The following RANBP17 variants were observed in gnomAD, a reference collection of about 807,000 sequenced individuals.
RANBP17 encodes RAN binding protein 17, also known as ran-binding protein 17.
RANBP17 carries 158 observed loss-of-function variants against 141.2 expected under a neutral mutation model. The observed-to-expected ratio is 1.12, with a 90% CI of 0.98 to 1.28. RANBP17 has a LOEUF of 1.28. Among genes scored for constraint, RANBP17 ranks in the 50% most tolerant of loss-of-function variants. The probability of loss-of-function intolerance (pLI) is 0.00; values close to 1 mark genes in which losing one functional copy is unlikely to be tolerated. For missense variants in RANBP17, 1,438 were observed against 1,290.7 expected (o/e 1.11, Z -1.75); for synonymous variants, 430 against 450.0 (o/e 0.96, Z 0.56).
chr5:171,261,099 A>AG (rs1340967774), intron 24 of RANBP17, among the ~76,000 whole-genome samples: 9 of 141,584 alleles, frequency 6.4e-5, no homozygotes, highest in African/African-American at 2.3e-4. Context: ...CCAAAAAAAA[A>AG]AACCAAAAGA....
At chr5:171,273,176 A>G (rs1371956189) in intron 25 of RANBP17, among the ~76,000 whole-genome samples, 1 of 152,190 alleles carries the variant, frequency 6.6e-6, no homozygotes, top group Non-Finnish European at 1.5e-5. Flanking sequence ...TATCCAGCAC[A>G]TCTCTCTTCA....
intron 11 of RANBP17, among the ~76,000 whole-genome samples, chr5:170,921,726 A>T (rs1415421446): frequency 2.0e-5 from 3 of 152,112 alleles, no homozygotes; most frequent in African/African-American, 7.2e-5. Flanking sequence ...ATGAGCATGG[A>T]ATGTTTTATC....
At chr5:171,236,071 C>A (rs187867513) in intron 22 of RANBP17, among the ~76,000 whole-genome samples, 15 of 152,202 alleles carry the variant, frequency 9.9e-5, no homozygotes, top group South Asian at 8.3e-4. Flanking sequence ...TCAATTCTGT[C>A]CCACACCATT....
In RANBP17 at chr5:171,189,453, T is replaced by C. The variant is rs139284515; in HGVS notation, c.2038+6023T>C. Among the ~76,000 whole-genome samples, 58 of 152,356 alleles carry C rather than the reference T, an allele frequency of 3.8e-4. 1 individual carries two copies. The East Asian group carries it at 0.011, about 29-fold the overall frequency. ...TTCAAGGTATGGACTATCTTTTTTATATTTTTCTAGCACCAGTCAGGGTCT... is the reference window on the plus strand; with the variant it reads ...TTCAAGGTATGGACTATCTTTTTTACATTTTTCTAGCACCAGTCAGGGTCT... On this transcript the variant is annotated intron_variant, in intron 18 of 27. Transcript: ENST00000523189.
intron 14 of RANBP17, among the ~76,000 whole-genome samples, chr5:171,038,443 T>C (rs1190115339): frequency 6.6e-6 from 1 of 152,154 alleles, no homozygotes; most frequent in African/African-American, 2.4e-5. Context: ...TTTTATTTCA[T>C]TCTCTTGCCT....
intron 12 of RANBP17, among the ~76,000 whole-genome samples, chr5:170,928,179 A>G (rs565272320): frequency 4.6e-5 from 7 of 152,110 alleles, no homozygotes; most frequent in South Asian, 4.1e-4. Flanking sequence ...TCTGTTGCCC[A>G]TTTTTAAATT....
intron 5 of RANBP17, chr5:170,896,966 A>C: frequency 9.8e-7 from 1 of 1,018,674 alleles, no homozygotes; most frequent in Non-Finnish European, 1.5e-6. Context: ...GGCCAGTGCG[A>C]AAACCAGATT....
chr5:171,012,074 ATTGTTTGT>A (rs33938657), intron 14 of RANBP17, among the ~76,000 whole-genome samples: 11 of 150,982 alleles, frequency 7.3e-5, no homozygotes, highest in East Asian at 5.9e-4. Context: ...AAACGAATAT[ATTGTTTGT>A]TTATTTGTTT....
chr5:171,165,335 C>G (rs781567550), intron 14 of RANBP17, among the ~76,000 whole-genome samples: 1 of 152,058 alleles, frequency 6.6e-6, no homozygotes, highest in Non-Finnish European at 1.5e-5. Flanking sequence ...GTACACGCCA[C>G]GACGCTCGGC....
Position 170,924,448 on chromosome 5 carries a change from AC to A in RANBP17, c.1367del (p.Thr456AsnfsTer26). 5.6e-6 allele frequency: 9 copies of A among 1,613,658 alleles called. No homozygotes were observed. The highest frequency in any genetic ancestry group is 7.6e-6 in the Non-Finnish European group (9 of 1,179,650). On this transcript the variant is annotated frameshift_variant, in exon 12 of 28. Coordinates refer to ENST00000523189, the MANE Select transcript of RANBP17 (RefSeq NM_022897.5). LOFTEE classifies it high-confidence loss of function. Reference sequence around the variant, plus strand: ...GGTCAGCAGATGTGAATATGAAAAGACATGTGCTCTTCTTGTGCAGTTATTC... The same window carrying A: ...GGTCAGCAGATGTGAATATGAAAAGAATGTGCTCTTCTTGTGCAGTTATTC... ...CTVSRCEYEK[T>X]CALLVQLFDQ...
chr5:170,892,384 T>C lies in RANBP17; in HGVS notation c.257-3T>C. 1 of 1,604,296 alleles carries C rather than the reference T, an allele frequency of 6.2e-7. No homozygotes were observed. The highest frequency in any genetic ancestry group is 8.5e-7 in the Non-Finnish European group (1 of 1,175,752). On this transcript the variant is annotated splice_region_variant and splice_polypyrimidine_tract_variant and intron_variant, in intron 3 of 27. Coordinates refer to ENST00000523189, the MANE Select transcript of RANBP17 (RefSeq NM_022897.5). ...GATGACCCATGGAGTGTTTTCTTTG[T>C]AGGAAACTACATTCTGAATTACGTG...
intron 14 of RANBP17, among the ~76,000 whole-genome samples, chr5:171,067,249 A>C (rs1784363478): frequency 6.6e-6 from 1 of 152,112 alleles, no homozygotes; most frequent in Non-Finnish European, 1.5e-5. Context: ...TATTAAGATT[A>C]CTTGAATAGC....
rs1029496794 is a variant in RANBP17, at chr5:170,865,243, A to G, written c.18+3192A>G. Among the ~76,000 whole-genome samples, 3 of 152,100 alleles carry G rather than the reference A, an allele frequency of 2.0e-5. No individual in the cohort carries two copies. The South Asian group carries it at 6.2e-4, about 32-fold the overall frequency. ...ATGCCCTGCTAATTTTTGTATTTTT[A>G]GTAGAGACAGGGTTTCTCCATGTTG... On this transcript the variant is annotated intron_variant, in intron 1 of 27. Transcript: ENST00000523189.
At chr5:171,229,251 G>A (rs1164528503) in intron 22 of RANBP17, among the ~76,000 whole-genome samples, 1 of 152,172 alleles carries the variant, frequency 6.6e-6, no homozygotes. Context: ...TGGACACAGT[G>A]GAATGATCAA....
intron 1 of RANBP17, among the ~76,000 whole-genome samples, chr5:170,868,493 A>G (rs1767453955): frequency 6.6e-6 from 1 of 152,140 alleles, no homozygotes; most frequent in Non-Finnish European, 1.5e-5. Context: ...GCTGGTCTCA[A>G]ACTCCTGAGC....
At chr5:171,105,857 A>G (rs1460279972) in intron 14 of RANBP17, among the ~76,000 whole-genome samples, 1 of 152,178 alleles carries the variant, frequency 6.6e-6, no homozygotes, top group Non-Finnish European at 1.5e-5. Flanking sequence ...TTGTGGGGAT[A>G]TTGTTGGAAA....
At chr5:171,049,529 C>T (rs956111661) in intron 14 of RANBP17, among the ~76,000 whole-genome samples, 3 of 152,092 alleles carry the variant, frequency 2.0e-5, no homozygotes, top group Non-Finnish European at 2.9e-5. Flanking sequence ...ATATCTTTGT[C>T]ATGAAATCTT....
intron 13 of RANBP17, among the ~76,000 whole-genome samples, chr5:170,967,238 A>C (rs1210257031): frequency 1.3e-5 from 2 of 152,132 alleles, no homozygotes; most frequent in Non-Finnish European, 2.9e-5. Context: ...GAGAATCTGT[A>C]GTCATATTTG....
chr5:170,886,452 A>C (rs1247194066), intron 3 of RANBP17, among the ~76,000 whole-genome samples: 3 of 152,128 alleles, frequency 2.0e-5, no homozygotes, highest in African/African-American at 7.2e-5. Flanking sequence ...AGTCCTGATC[A>C]TAAACCTGAC....
Sources: gnomAD v4.1 joint callset for allele counts (sites outside exome capture counted in the v4.1 genomes callset) on GRCh38, gnomAD v4.1.1 for gene constraint, MANE v1.5 for transcripts, NCBI Gene and HGNC (gene_info 2026-07-23, HGNC 2026-07-21) for gene names.